The following ALK variants were observed in gnomAD, a reference collection of about 807,000 sequenced individuals.
ALK encodes ALK tyrosine kinase receptor.
In ALK, 74 loss-of-function variants were observed where a neutral mutation model predicts 163.1. The observed-to-expected ratio is 0.45, with a 90% CI of 0.38 to 0.55. ALK has a LOEUF of 0.55. ALK is among the 20% of genes least tolerant of loss of function. The probability of loss-of-function intolerance (pLI) is 0.00; values close to 1 mark genes in which losing one functional copy is unlikely to be tolerated. For missense variants in ALK, 2,063 were observed against 2,105.3 expected (o/e 0.98, Z 0.39); for synonymous variants, 960 against 843.2 (o/e 1.14, Z -2.40).
chr2:29,915,001 A>T (rs186650330), intron 1 of ALK, among the ~76,000 whole-genome samples: 51 of 152,382 alleles, frequency 3.3e-4, no homozygotes, highest in African/African-American at 1.2e-3. Flanking sequence ...ATTAATAAGT[A>T]ATAATAAATG....
In ALK at chr2:29,193,625, C is replaced by G. The variant is rs776861631; in HGVS notation, c.4462G>C (p.Glu1488Gln). Residue 1488 changes from glutamate (E) to glutamine (Q), a missense_variant, in exon 29 of 29, where the codon GAG becomes CAG. Coordinates refer to ENST00000389048, the MANE Select transcript of ALK (RefSeq NM_004304.5). ...MAFSQSNPPS[E>Q]LHKVHGSRNK... ...CTGGATCCGTGGACCTTGTGCAACT[C>G]CGAAGGAGGGTTGGACTGAGAGAAT... 2 of 1,614,244 alleles carry G rather than the reference C, an allele frequency of 1.2e-6. No individual in the cohort carries two copies. The highest frequency in any genetic ancestry group is 1.7e-6 in the Non-Finnish European group (2 of 1,180,044).
chr2:29,859,291 G>A (rs916758198), intron 1 of ALK, among the ~76,000 whole-genome samples: 1 of 152,188 alleles, frequency 6.6e-6, no homozygotes, highest in African/African-American at 2.4e-5. Flanking sequence ...TTCAGCAGGA[G>A]GTCAGGTCTG....
intron 5 of ALK, among the ~76,000 whole-genome samples, chr2:29,350,975 G>T (rs1276790868): frequency 1.3e-5 from 2 of 152,130 alleles, no homozygotes; most frequent in African/African-American, 4.8e-5. Flanking sequence ...AATAAGTTTG[G>T]GAAGGCTGCA....
chr2:29,677,805 A>G (rs2148276218), intron 3 of ALK, among the ~76,000 whole-genome samples: 1 of 152,222 alleles, frequency 6.6e-6, no homozygotes, highest in Non-Finnish European at 1.5e-5. Context: ...GCCTCATAGA[A>G]TGAGTTGGGA....
intron 4 of ALK, among the ~76,000 whole-genome samples, chr2:29,459,631 G>A (rs182647512): frequency 4.6e-5 from 7 of 151,876 alleles, no homozygotes; most frequent in Non-Finnish European, 8.8e-5. Context: ...AACTTCCAGA[G>A]GTAGAGGACT....
At chr2:29,200,740 C>T (rs1403625824) in intron 26 of ALK, among the ~76,000 whole-genome samples, 35 of 131,348 alleles carry the variant, frequency 2.7e-4, no homozygotes, top group African/African-American at 4.7e-4. Flanking sequence ...TATATATATA[C>T]GTATATATAT....
At chr2:29,304,381 A>C (rs1176450627) in intron 8 of ALK, among the ~76,000 whole-genome samples, 8 of 151,906 alleles carry the variant, frequency 5.3e-5, no homozygotes, top group Admixed American at 2.6e-4. Context: ...CTGTAGTCCC[A>C]GCTACTCAGG....
At chr2:29,389,637 T>C (rs1669113763) in intron 4 of ALK, among the ~76,000 whole-genome samples, 1 of 152,220 alleles carries the variant, frequency 6.6e-6, no homozygotes, top group Non-Finnish European at 1.5e-5. Flanking sequence ...AATGAACATA[T>C]TTCTGTTAAA....
chr2:29,517,203 A>C (rs374702217), intron 4 of ALK, among the ~76,000 whole-genome samples: 1 of 152,144 alleles, frequency 6.6e-6, no homozygotes, highest in Non-Finnish European at 1.5e-5. Flanking sequence ...AGAGAGGTTT[A>C]GGGGCAGCAC....
At chr2:29,819,830 T>C (rs1488470579) in intron 1 of ALK, among the ~76,000 whole-genome samples, 1 of 152,196 alleles carries the variant, frequency 6.6e-6, no homozygotes, top group African/African-American at 2.4e-5. Flanking sequence ...CTGCTTGCCT[T>C]CCACCATCCA....
intron 3 of ALK, among the ~76,000 whole-genome samples, chr2:29,689,553 A>G (rs1173350702): frequency 6.6e-6 from 1 of 152,160 alleles, no homozygotes; most frequent in East Asian, 1.9e-4. Context: ...GTCTAATCAG[A>G]CTTCCTGAAG....
chr2:29,230,287 ATCTTT>A (rs1664160273), intron 15 of ALK, among the ~76,000 whole-genome samples: 1 of 84,164 alleles, frequency 1.2e-5, no homozygotes, highest in Non-Finnish European at 2.9e-5. Flanking sequence ...AGACACAATC[ATCTTT>A]TTTTTTTTTT....
chr2:29,577,679 A>G (rs1262314587), intron 3 of ALK, among the ~76,000 whole-genome samples: 1 of 152,188 alleles, frequency 6.6e-6, no homozygotes, highest in Non-Finnish European at 1.5e-5. Context: ...CTCTGCAAAC[A>G]CAGGAGTGAC....
intron 1 of ALK, among the ~76,000 whole-genome samples, chr2:29,743,011 A>G (rs928731928): frequency 1.4e-4 from 22 of 152,164 alleles, no homozygotes; most frequent in African/African-American, 4.6e-4. Flanking sequence ...GACAAGAAAA[A>G]CTCCAATATC....
intron 1 of ALK, among the ~76,000 whole-genome samples, chr2:29,744,860 C>T (rs1390385464): frequency 6.6e-6 from 1 of 152,028 alleles, no homozygotes; most frequent in Non-Finnish European, 1.5e-5. Context: ...TCCAACGCAA[C>T]CTCAGAACTC....
At chr2:29,543,180 TG>T (rs1673460227) in intron 3 of ALK, among the ~76,000 whole-genome samples, 1 of 152,080 alleles carries the variant, frequency 6.6e-6, no homozygotes, top group South Asian at 2.1e-4. Context: ...TTGGAGCTCC[TG>T]GGGAGAGGTG....
chr2:29,675,554 G>A (rs1450436218), intron 3 of ALK, among the ~76,000 whole-genome samples: 1 of 151,980 alleles, frequency 6.6e-6, no homozygotes, highest in African/African-American at 2.4e-5. Flanking sequence ...TGAAGGATAG[G>A]ATGGCCCAGG....
chr2:29,614,665 T>C (rs1675791589), intron 3 of ALK, among the ~76,000 whole-genome samples: 1 of 152,196 alleles, frequency 6.6e-6, no homozygotes, highest in Non-Finnish European at 1.5e-5. Flanking sequence ...TTAGCCAGAA[T>C]CCCCTACTCT....
intron 1 of ALK, among the ~76,000 whole-genome samples, chr2:29,755,669 T>C (rs1680500600): frequency 6.6e-6 from 1 of 152,224 alleles, no homozygotes; most frequent in South Asian, 2.1e-4. Context: ...AATTATCTTG[T>C]TTTTTACGAG....
Sources: allele counts gnomAD v4.1 joint callset (sites outside exome capture counted in the v4.1 genomes callset), GRCh38; gene constraint gnomAD v4.1.1; transcripts MANE v1.5; gene names NCBI Gene and HGNC (gene_info 2026-07-23, HGNC 2026-07-21).